ITPR2: variants seen among roughly 807,000 people sequenced by gnomAD.
The protein encoded by ITPR2 is inositol 1,4,5-trisphosphate-gated calcium channel ITPR2.
In ITPR2, 207 loss-of-function variants were observed where a neutral mutation model predicts 317.1. The observed-to-expected ratio is 0.65, with a 90% CI of 0.58 to 0.73. The LOEUF is 0.73. ITPR2 is among the 30% of genes least tolerant of loss of function. The pLI, the probability that ITPR2 is intolerant of heterozygous loss-of-function variation, is 0.00. For synonymous variants in ITPR2, 1,156 were observed against 1,149.1 expected (o/e 1.01, Z -0.12); for missense variants, 2,613 against 3,284.0 (o/e 0.80, Z 4.99).
At chr12:26,532,845 C>T (rs1293274277) in intron 37 of ITPR2, among the ~76,000 whole-genome samples, 1 of 151,984 alleles carries the variant, frequency 6.6e-6, no homozygotes, top group African/African-American at 2.4e-5. Flanking sequence ...ACCACCACGC[C>T]CAGCTAATTT....
chr12:26,719,524 T>C (rs1461285747), intron 5 of ITPR2, among the ~76,000 whole-genome samples: 1 of 152,232 alleles, frequency 6.6e-6, no homozygotes, highest in Non-Finnish European at 1.5e-5. Flanking sequence ...TCTTTTGAAG[T>C]GGCACCTGGT....
chr12:26,384,385 T>C (rs1481603018), intron 55 of ITPR2, among the ~76,000 whole-genome samples: 1 of 152,194 alleles, frequency 6.6e-6, no homozygotes, highest in East Asian at 1.9e-4. Flanking sequence ...TTAATATCAC[T>C]CTTCCTTCTC....
rs1945951147 is a variant in ITPR2, at chr12:26,599,836, A to G, written c.3801+151T>C. On this transcript the variant is annotated intron_variant, in intron 29 of 56. Transcript: ENST00000381340. Reference sequence around the variant, plus strand: ...GTTTCTTTAAAAGTTTCCTTAATGAAAAAAAAAAGATATTCACTTCTGGAG... The same window carrying G: ...GTTTCTTTAAAAGTTTCCTTAATGAGAAAAAAAAGATATTCACTTCTGGAG... The G allele has an allele frequency of 1.9e-5, 11 of 577,038 alleles. No homozygotes were observed. In the South Asian group the frequency reaches 3.2e-4, roughly 17 times the overall value. 35.7% of individuals were successfully genotyped at this position (577,038 alleles called of 1,614,324 possible). A position where few individuals can be genotyped will look rare whatever the true frequency, so the allele number is the denominator to read the frequency against.
At chr12:26,606,363 T>C (rs914595747) in intron 26 of ITPR2, among the ~76,000 whole-genome samples, 3 of 152,174 alleles carry the variant, frequency 2.0e-5, no homozygotes, top group Non-Finnish European at 4.4e-5. Flanking sequence ...TAATAGAATA[T>C]GGGAAACAGC....
In ITPR2 at chr12:26,361,108, G is replaced by A. The variant is rs138789439; in HGVS notation, c.7858-20780C>T. On this transcript the variant is annotated intron_variant, in intron 55 of 56. Transcript: ENST00000381340. Reference sequence around the variant, plus strand: ...CGAGCGCCTGTAATCCCAGCTACTCGGGAGGCTGGGGCAGGAGAATCACTT... The same window carrying A: ...CGAGCGCCTGTAATCCCAGCTACTCAGGAGGCTGGGGCAGGAGAATCACTT... Among the ~76,000 whole-genome samples the A allele has an allele frequency of 9.6e-3, 1,466 of 152,004 alleles. 22 individuals are homozygous for A. Among genetic ancestry groups the A allele is most frequent in the African/African-American group, 0.032 (1,309 of 41,432 alleles).
At chr12:26,801,453 G>T (rs969451349) in intron 1 of ITPR2, among the ~76,000 whole-genome samples, 2 of 152,178 alleles carry the variant, frequency 1.3e-5, no homozygotes. Flanking sequence ...TGATAGATAT[G>T]ATATGATTGG....
chr12:26,339,215 C>G lies in ITPR2; in HGVS notation c.*182G>C. 1 of 581,764 alleles carries G rather than the reference C, an allele frequency of 1.7e-6. No homozygotes were observed. The highest frequency in any genetic ancestry group is 2.9e-5 in the East Asian group (1 of 34,108). The allele number at this position is 581,764 out of a possible 1,614,324, so 36.0% of individuals were successfully genotyped here. Reference sequence around the variant, plus strand: ...CTAGCAGATGCATTTGAGGTTAGGTCTTCGCAACCATGAAAACACAGTTAT... The same window carrying G: ...CTAGCAGATGCATTTGAGGTTAGGTGTTCGCAACCATGAAAACACAGTTAT... On this transcript the variant is annotated 3_prime_UTR_variant, in exon 57 of 57. Transcript: ENST00000381340.
At chr12:26,568,844 A>C (rs1945079404) in intron 34 of ITPR2, among the ~76,000 whole-genome samples, 1 of 152,230 alleles carries the variant, frequency 6.6e-6, no homozygotes, top group Admixed American at 6.5e-5. Context: ...CTGAAGCACC[A>C]GTATACATAA....
intron 50 of ITPR2, among the ~76,000 whole-genome samples, chr12:26,417,638 CTCCCCAGCCATGTGG>C (rs1446621798): frequency 1.3e-5 from 2 of 152,106 alleles, no homozygotes; most frequent in Non-Finnish European, 2.9e-5. Flanking sequence ...TTCCTTAGGC[CTCCCCAGCCATGTGG>C]AACTGTGAAT....
rs750279679 is a variant in ITPR2 at position 26,599,351 on chromosome 12, C to G, written c.3802-6G>C. The G allele has an allele frequency of 6.2e-7, 1 of 1,613,152 alleles. No individual in the cohort carries two copies. The highest frequency in any genetic ancestry group is 1.7e-5 in the Admixed American group (1 of 60,004). Reference sequence around the variant, plus strand: ...ATGGTTTCTGCTTCAAGGAGCTAAACACAGAGGAACATGCCCTTGTAATTC... The same window carrying G: ...ATGGTTTCTGCTTCAAGGAGCTAAAGACAGAGGAACATGCCCTTGTAATTC... On this transcript the variant is annotated splice_polypyrimidine_tract_variant and splice_region_variant and intron_variant, in intron 29 of 56. Coordinates refer to ENST00000381340, the MANE Select transcript of ITPR2 (RefSeq NM_002223.4).
chr12:26,442,278 C>A (rs1011346658), intron 46 of ITPR2, among the ~76,000 whole-genome samples: 17 of 152,106 alleles, frequency 1.1e-4, no homozygotes, highest in African/African-American at 4.1e-4. Context: ...GCTCAGGCAC[C>A]ACTAATTATT....
At chr12:26,556,521 G>T in intron 35 of ITPR2, 146 bp from the exon 36 acceptor site, 1 of 760,060 alleles carries the variant, frequency 1.3e-6, no homozygotes, top group Non-Finnish European at 2.0e-6. Flanking sequence ...CATAATTATA[G>T]TCTGGTTTTA....
chr12:26,449,540 T>A (rs1452141736), intron 45 of ITPR2, among the ~76,000 whole-genome samples: 1 of 152,154 alleles, frequency 6.6e-6, no homozygotes, highest in Non-Finnish European at 1.5e-5. Context: ...ATGATAGACA[T>A]GTAATTAATA....
intron 40 of ITPR2, 75 bp from the exon 41 acceptor site, chr12:26,486,435 G>A: frequency 9.3e-7 from 1 of 1,078,260 alleles, no homozygotes; most frequent in South Asian, 1.7e-5. Flanking sequence ...AACAAACCAG[G>A]TACCCAAATT....
intron 31 of ITPR2, among the ~76,000 whole-genome samples, chr12:26,595,791 C>G (rs1046714771): frequency 1.3e-5 from 2 of 152,294 alleles, no homozygotes; most frequent in African/African-American, 4.8e-5. Flanking sequence ...GCCTAGTACT[C>G]CATCCCCCTG....
rs763061947 is a variant in ITPR2, at chr12:26,657,884, G to A, written c.2015C>T (p.Ser672Leu). The A allele has an allele frequency of 6.2e-7, 1 of 1,613,198 alleles. No individual in the cohort carries two copies. The highest frequency in any genetic ancestry group is 8.5e-7 in the Non-Finnish European group (1 of 1,179,492). Residue 672 changes from serine to leucine, a missense_variant, in exon 18 of 57, where the codon TCA (serine) becomes TTA (leucine). Around this residue, in one of 9 missense-constraint regions of ITPR2, gnomAD observed 817 missense variants for 897.6 expected, o/e 0.91. Coordinates refer to ENST00000381340, the MANE Select transcript of ITPR2 (RefSeq NM_002223.4). ...CTCCATGGGGTTGTCTGCTTGCATTGAGACCACCCTTCAAATAAATAGCAC... is the reference window on the plus strand; with the variant it reads ...CTCCATGGGGTTGTCTGCTTGCATTAAGACCACCCTTCAAATAAATAGCAC... ...ADILIQTKVVSMQADNPMESS... is the reference protein window; with the variant it reads ...ADILIQTKVVLMQADNPMESS...
intron 10 of ITPR2, among the ~76,000 whole-genome samples, chr12:26,691,413 G>A (rs1469628611): frequency 6.6e-6 from 1 of 152,056 alleles, no homozygotes; most frequent in Non-Finnish European, 1.5e-5. Flanking sequence ...ATTAAGGTAC[G>A]ACAGAACTTA....
At chr12:26,406,260 ATGTT>A (rs1187056561) in intron 52 of ITPR2, among the ~76,000 whole-genome samples, 4 of 152,056 alleles carry the variant, frequency 2.6e-5, no homozygotes, top group Admixed American at 2.6e-4. Flanking sequence ...TTATTCATAA[ATGTT>A]AAGTGTCTGT....
At chr12:26,535,422 A>G (rs559320723) in intron 37 of ITPR2, among the ~76,000 whole-genome samples, 1 of 152,378 alleles carries the variant, frequency 6.6e-6, no homozygotes, top group African/African-American at 2.4e-5. Flanking sequence ...ATGTTCCATT[A>G]AAGATTTTCC....
Sources: gnomAD v4.1 joint callset for allele counts (sites outside exome capture counted in the v4.1 genomes callset) on GRCh38, gnomAD v4.1.1 for gene constraint, gnomAD v4.1.1 regional missense constraint, MANE v1.5 for transcripts, NCBI Gene and HGNC (gene_info 2026-07-23, HGNC 2026-07-21) for gene names.